The following CCDC83 variants were observed in gnomAD, a reference collection of about 807,000 sequenced individuals.
The protein encoded by CCDC83 is coiled-coil domain-containing protein 83.
CCDC83 carries 54 observed loss-of-function variants against 50.1 expected under a neutral mutation model. The ratio of observed to expected loss-of-function variants is 1.08; its 90% CI spans 0.87 to 1.35. The LOEUF is 1.35. Ranked by LOEUF, CCDC83 falls within the 40% of genes most tolerant of loss-of-function variation. The pLI is 0.00. For missense variants in CCDC83, 518 were observed against 473.9 expected (o/e 1.09, Z -0.86); for synonymous variants, 161 against 153.3 (o/e 1.05, Z -0.37).
intron 8 of CCDC83, among the ~76,000 whole-genome samples, chr11:85,912,007 C>T (rs1243815516): frequency 1.3e-5 from 2 of 151,904 alleles, no homozygotes; most frequent in Non-Finnish European, 2.9e-5. Context: ...CTGACAGAAA[C>T]CTAGGGCCCT....
chr11:85,883,288 C>CT (rs1172175760), intron 4 of CCDC83, among the ~76,000 whole-genome samples: 6 of 151,350 alleles, frequency 4.0e-5, no homozygotes, highest in African/African-American at 7.3e-5. Context: ...TGTTCTTTTT[C>CT]TTTTTTTTCT....
At chr11:85,897,955 G>A (rs1011198799) in intron 6 of CCDC83, among the ~76,000 whole-genome samples, 2 of 151,970 alleles carry the variant, frequency 1.3e-5, no homozygotes, top group African/African-American at 2.4e-5. Flanking sequence ...TCAGGAGTTC[G>A]AGACCAGCCT....
At chr11:85,870,969 C>T (rs1214730684) in intron 2 of CCDC83, among the ~76,000 whole-genome samples, 1 of 152,098 alleles carries the variant, frequency 6.6e-6, no homozygotes, top group Non-Finnish European at 1.5e-5. Context: ...GATTTCAAGA[C>T]CAGCCTGGCC....
At chr11:85,871,030 G>T (rs563857534) in intron 2 of CCDC83, among the ~76,000 whole-genome samples, 1 of 152,226 alleles carries the variant, frequency 6.6e-6, no homozygotes, top group Non-Finnish European at 1.5e-5. Flanking sequence ...AGCTGGGTGT[G>T]GTGGCGTGTG....
chr11:85,880,718 T>C (rs1056870786), intron 3 of CCDC83, among the ~76,000 whole-genome samples: 2 of 152,060 alleles, frequency 1.3e-5, no homozygotes, highest in African/African-American at 4.8e-5. Context: ...AATGTGCCAC[T>C]TCCTATTACC....
intron 1 of CCDC83, among the ~76,000 whole-genome samples, chr11:85,864,362 A>G (rs1175375313): frequency 6.6e-6 from 1 of 152,262 alleles, no homozygotes; most frequent in East Asian, 1.9e-4. Context: ...AAGGAAGACT[A>G]TAATCTGAAA....
chr11:85,895,148 G>T (rs1283324779), intron 5 of CCDC83, 145 bp from the exon 6 acceptor site: 1 of 285,656 alleles, frequency 3.5e-6, no homozygotes, highest in Non-Finnish European at 6.4e-6. Context: ...AATGCTACCC[G>T]AACAGATAAT....
At chr11:85,869,892 G>T (rs1299502559) in intron 2 of CCDC83, among the ~76,000 whole-genome samples, 4 of 152,214 alleles carry the variant, frequency 2.6e-5, no homozygotes, top group Non-Finnish European at 1.5e-5. Context: ...TCAAAGACAG[G>T]CTCAGCTAAA....
intron 7 of CCDC83, 62 bp downstream of exon 7, chr11:85,899,077 T>A: frequency 8.0e-7 from 1 of 1,254,786 alleles, no homozygotes; most frequent in Non-Finnish European, 1.2e-6. Context: ...TGGAAATGAC[T>A]TTTAATTATG....
chr11:85,885,836 A>T (rs1319026105), intron 4 of CCDC83, among the ~76,000 whole-genome samples: 1 of 152,188 alleles, frequency 6.6e-6, no homozygotes, highest in Non-Finnish European at 1.5e-5. Context: ...AAAAATGACA[A>T]TTTCCTAATA....
At chr11:85,908,752 C>CA (rs60768638) in intron 7 of CCDC83, among the ~76,000 whole-genome samples, 168 of 136,234 alleles carry the variant, frequency 1.2e-3, no homozygotes, top group South Asian at 3.7e-3. Context: ...AAAAAAATAC[C>CA]AAAAAAAAAA....
At chr11:85,904,702 T>A (rs1357248402) in intron 7 of CCDC83, among the ~76,000 whole-genome samples, 1 of 152,186 alleles carries the variant, frequency 6.6e-6, no homozygotes, top group Non-Finnish European at 1.5e-5. Context: ...AAATTCAATG[T>A]ACCTAAAGCA....
intron 5 of CCDC83, among the ~76,000 whole-genome samples, chr11:85,886,613 C>T (rs2135049978): frequency 6.6e-6 from 1 of 152,236 alleles, no homozygotes; most frequent in Admixed American, 6.5e-5. Context: ...GCCCTGTGAC[C>T]AAGTGACTTT....
At chr11:85,865,456 G>A in intron 2 of CCDC83, among the ~76,000 whole-genome samples, 1 of 152,232 alleles carries the variant, frequency 6.6e-6, no homozygotes, top group Non-Finnish European at 1.5e-5. Flanking sequence ...GAAATGAAAT[G>A]AGAGCTGCTA....
rs1189162766 is a variant in CCDC83, at chr11:85,881,166, C to A, written c.181-1347C>A. Among the ~76,000 whole-genome samples, 3 of 151,944 alleles carry A rather than the reference C, an allele frequency of 2.0e-5. No individual in the cohort carries two copies. The East Asian group carries it at 5.8e-4, about 29-fold the overall frequency. On this transcript the variant is annotated intron_variant, in intron 3 of 10. Transcript: ENST00000342404. ...GATGGATCACCTGAGGTCAAGAGTT[C>A]GAGACCAGCCTGGCCAACATGGTGA...
At chr11:85,874,241 A>G (rs1443512123) in intron 3 of CCDC83, among the ~76,000 whole-genome samples, 1 of 152,250 alleles carries the variant, frequency 6.6e-6, no homozygotes, top group Non-Finnish European at 1.5e-5. Flanking sequence ...CACTTGTAAT[A>G]GGGACTAAAA....
intron 7 of CCDC83, 104 bp from the exon 8 acceptor site, chr11:85,911,177 A>T: frequency 4.0e-5 from 20 of 495,216 alleles, no homozygotes; most frequent in Middle Eastern, 8.4e-4. Flanking sequence ...GTCTCAAATA[A>T]AAAAAAAAAA....
intron 8 of CCDC83, 81 bp downstream of exon 8, chr11:85,911,483 G>A: frequency 8.7e-7 from 1 of 1,146,586 alleles, no homozygotes; most frequent in Admixed American, 2.7e-5. Flanking sequence ...AACAAAAAAA[G>A]ATGATTTAAT....
intron 6 of CCDC83, among the ~76,000 whole-genome samples, chr11:85,896,044 T>A (rs2093373373): frequency 6.6e-6 from 1 of 152,218 alleles, no homozygotes; most frequent in Non-Finnish European, 1.5e-5. Flanking sequence ...ATCCCTTATC[T>A]GACACATGTT....
Sources: gnomAD v4.1 joint callset for allele counts (sites outside exome capture counted in the v4.1 genomes callset) on GRCh38, gnomAD v4.1.1 for gene constraint, MANE v1.5 for transcripts, NCBI Gene and HGNC (gene_info 2026-07-23, HGNC 2026-07-21) for gene names.